The following SBF2 variants were observed in gnomAD, a reference collection of about 807,000 sequenced individuals.
SBF2 encodes SET binding factor 2.
Under a neutral mutation model 225.2 loss-of-function variants are expected in SBF2, and 112 were observed. That is an observed-to-expected ratio of 0.50 (90% CI 0.43 to 0.58). The LOEUF is 0.58. Ranked by LOEUF, SBF2 falls within the 20% of genes least tolerant of loss-of-function variation. The pLI is 0.00. For missense variants in SBF2, 1,996 were observed against 2,206.2 expected (o/e 0.90, Z 1.91); for synonymous variants, 763 against 773.3 (o/e 0.99, Z 0.22).
chr11:9,831,319 C>G (rs542123050), intron 27 of SBF2, among the ~76,000 whole-genome samples: 1 of 152,290 alleles, frequency 6.6e-6, no homozygotes, highest in East Asian at 1.9e-4. Flanking sequence ...TTCTAACATA[C>G]CCACCAGGTG....
At chr11:10,270,175 T>C (rs1441425586) in intron 1 of SBF2, among the ~76,000 whole-genome samples, 2 of 152,108 alleles carry the variant, frequency 1.3e-5, no homozygotes, top group African/African-American at 4.8e-5. Flanking sequence ...GTTTTATATA[T>C]ACAAAGTTGT....
chr11:9,991,156 C>T (rs1039896988), intron 12 of SBF2, among the ~76,000 whole-genome samples: 1 of 152,096 alleles, frequency 6.6e-6, no homozygotes, highest in African/African-American at 2.4e-5. Context: ...AATCTAAAGG[C>T]TGATATGTTA....
At chr11:10,047,254 T>C (rs1161225230) in intron 2 of SBF2, among the ~76,000 whole-genome samples, 1 of 152,158 alleles carries the variant, frequency 6.6e-6, no homozygotes, top group Non-Finnish European at 1.5e-5. Flanking sequence ...AGTTATTTTA[T>C]GGATATTAAC....
At chr11:10,206,109 C>T (rs1957743938) in intron 1 of SBF2, among the ~76,000 whole-genome samples, 2 of 151,604 alleles carry the variant, frequency 1.3e-5, no homozygotes, top group Non-Finnish European at 2.9e-5. Context: ...TCGTGCCACA[C>T]AAAGTAGCCT....
intron 36 of SBF2, among the ~76,000 whole-genome samples, chr11:9,786,849 A>G (rs965303733): frequency 1.3e-5 from 2 of 152,218 alleles, no homozygotes; most frequent in Non-Finnish European, 2.9e-5. Context: ...AGAAATAGGA[A>G]ATGGGGTATG....
intron 1 of SBF2, among the ~76,000 whole-genome samples, chr11:10,282,720 A>C (rs1407382597): frequency 6.6e-6 from 1 of 152,200 alleles, no homozygotes; most frequent in African/African-American, 2.4e-5. Flanking sequence ...GAGCTTTCTC[A>C]TACTGGTCTT....
chr11:9,980,859 C>T (rs1159998843), intron 13 of SBF2, among the ~76,000 whole-genome samples: 1 of 152,156 alleles, frequency 6.6e-6, no homozygotes, highest in Non-Finnish European at 1.5e-5. Context: ...AGCCACTGCG[C>T]CCAGCAATAA....
At chr11:9,877,260 G>A (rs945949718) in intron 17 of SBF2, among the ~76,000 whole-genome samples, 29 of 152,164 alleles carry the variant, frequency 1.9e-4, no homozygotes, top group Admixed American at 9.2e-4. Flanking sequence ...ATACTCTACC[G>A]TTTTATAAGG....
chr11:10,244,552 C>T (rs1277431225), intron 1 of SBF2, among the ~76,000 whole-genome samples: 1 of 152,150 alleles, frequency 6.6e-6, no homozygotes, highest in Non-Finnish European at 1.5e-5. Context: ...AAGTGTGATG[C>T]CTCTAGCTTT....
intron 2 of SBF2, among the ~76,000 whole-genome samples, chr11:10,137,323 T>C (rs1212397951): frequency 6.6e-6 from 1 of 152,240 alleles, no homozygotes; most frequent in African/African-American, 2.4e-5. Context: ...TCTATACACA[T>C]AATGATGTCA....
At chr11:10,137,873 T>C (rs1954457179) in intron 2 of SBF2, among the ~76,000 whole-genome samples, 2 of 152,090 alleles carry the variant, frequency 1.3e-5, no homozygotes, top group South Asian at 2.1e-4. Flanking sequence ...TGGGTGTGGT[T>C]GGCGGACGCC....
intron 6 of SBF2, among the ~76,000 whole-genome samples, chr11:10,015,382 A>AACAAG: frequency 6.6e-6 from 1 of 152,298 alleles, no homozygotes; most frequent in Middle Eastern, 3.4e-3. Context: ...GGTGGCTTAA[A>AACAAG]ACAAGACAAA....
chr11:10,264,742 A>AC (rs930897099), intron 1 of SBF2, among the ~76,000 whole-genome samples: 1 of 60,886 alleles, frequency 1.6e-5, no homozygotes, highest in Non-Finnish European at 3.5e-5. Context: ...CTAGCCCCCC[A>AC]CCCCCCGACA....
In SBF2 at chr11:9,780,003, A is replaced by G; in HGVS notation, c.*415T>C. 1 of 282,082 alleles carries G rather than the reference A, an allele frequency of 3.5e-6. No individual in the cohort carries two copies. Among genetic ancestry groups the G allele is most frequent in the South Asian group, 3.9e-5 (1 of 25,472 alleles). 17.5% of individuals were successfully genotyped at this position (282,082 alleles called of 1,614,324 possible). ...CCTAGTCCAGGTAGAATATGAGACA[A>G]TCTTGGAGGGTTTTGATTTTTGCTT... On this transcript the variant is annotated 3_prime_UTR_variant, in exon 40 of 40. Coordinates refer to ENST00000256190, the MANE Select transcript of SBF2 (RefSeq NM_030962.4).
At chr11:10,093,507 C>G (rs1330536628) in intron 2 of SBF2, among the ~76,000 whole-genome samples, 2 of 152,018 alleles carry the variant, frequency 1.3e-5, no homozygotes, top group Non-Finnish European at 2.9e-5. Context: ...TTAAGACATC[C>G]TTGGTAATAC....
intron 2 of SBF2, among the ~76,000 whole-genome samples, chr11:10,049,002 G>A (rs933263045): frequency 5.3e-5 from 8 of 152,084 alleles, no homozygotes; most frequent in African/African-American, 1.4e-4. Context: ...AAAAGTATCC[G>A]TAATTATCTG....
At chr11:10,105,984 G>A (rs1204630557) in intron 2 of SBF2, among the ~76,000 whole-genome samples, 1 of 152,152 alleles carries the variant, frequency 6.6e-6, no homozygotes, top group Non-Finnish European at 1.5e-5. Flanking sequence ...GACTTCATAG[G>A]TGTTTAGATA....
chr11:10,188,891 T>C (rs1957052210), intron 2 of SBF2, among the ~76,000 whole-genome samples: 2 of 152,356 alleles, frequency 1.3e-5, no homozygotes, highest in East Asian at 1.9e-4. Flanking sequence ...ATCCTTTTTA[T>C]AGTTCTTAGT....
At chr11:10,183,487 T>C (rs1956815318) in intron 2 of SBF2, among the ~76,000 whole-genome samples, 1 of 152,204 alleles carries the variant, frequency 6.6e-6, no homozygotes, top group Non-Finnish European at 1.5e-5. Context: ...CTCTAAAAAA[T>C]CTTGGCTTAA....
Sources: allele counts gnomAD v4.1 joint callset (sites outside exome capture counted in the v4.1 genomes callset), GRCh38; gene constraint gnomAD v4.1.1; transcripts MANE v1.5; gene names NCBI Gene and HGNC (gene_info 2026-07-23, HGNC 2026-07-21).